PUM3: variants seen among roughly 807,000 people sequenced by gnomAD.
PUM3 encodes the protein pumilio RNA binding family member 3.
Under a neutral mutation model 84.0 loss-of-function variants are expected in PUM3, and 91 were observed. That is an observed-to-expected ratio of 1.08 (90% CI 0.91 to 1.29). The LOEUF is 1.29. Among genes scored for constraint, PUM3 ranks in the 50% most tolerant of loss-of-function variants. The pLI, the probability that PUM3 is intolerant of heterozygous loss-of-function variation, is 0.00. For missense variants in PUM3, 1,067 were observed against 767.5 expected, an observed-to-expected ratio of 1.39 and a Z score of -4.61; for synonymous variants, 321 against 266.7, an observed-to-expected ratio of 1.20 and a Z score of -1.98.
chr9:2,828,893 A>T (rs529475770), intron 8 of PUM3, 115 bp from the exon 9 acceptor site: 12 of 689,430 alleles, frequency 1.7e-5, no homozygotes, highest in African/African-American at 5.5e-5. Context: ...AAGATTTCCC[A>T]TATTTACATA....
In PUM3 at chr9:2,824,625, G is replaced by A. The variant is rs569275984; in HGVS notation, c.1134+92C>T. Reference sequence around the variant, plus strand: ...GCACAACAGGGCAAAGACCAAAGGGGGTTAAAAGTCTAAGGACAGCTAAGT... The same window carrying A: ...GCACAACAGGGCAAAGACCAAAGGGAGTTAAAAGTCTAAGGACAGCTAAGT... On this transcript the variant is annotated intron_variant, in intron 11 of 17. Transcript: ENST00000397885. 23 of 750,784 alleles carry A rather than the reference G, an allele frequency of 3.1e-5. No homozygotes were observed. In the South Asian group the frequency reaches 7.5e-4, roughly 24 times the overall value. 46.5% of individuals were successfully genotyped at this position (750,784 alleles called of 1,614,324 possible). A position where few individuals can be genotyped will look rare whatever the true frequency, so the allele number is the denominator to read the frequency against.
At chr9:2,830,619 T>A (rs1308240185) in intron 7 of PUM3, among the ~76,000 whole-genome samples, 1 of 152,218 alleles carries the variant, frequency 6.6e-6, no homozygotes, top group Non-Finnish European at 1.5e-5. Context: ...AATACCAGTC[T>A]ACTTCAAAAG....
At chr9:2,811,313 T>C (rs776314096) in intron 15 of PUM3, 48 bp downstream of exon 15, 13 of 1,581,248 alleles carry the variant, frequency 8.2e-6, no homozygotes, top group African/African-American at 1.3e-5. Context: ...AAAACGAAGT[T>C]TTTGTGGCCT....
At chr9:2,821,101 A>G (rs183673281) in intron 12 of PUM3, among the ~76,000 whole-genome samples, 7 of 152,308 alleles carry the variant, frequency 4.6e-5, no homozygotes, top group Non-Finnish European at 7.4e-5. Flanking sequence ...AAAAAGACAA[A>G]CTGAAGACAA....
At chr9:2,840,173 A>G (rs1758765326) in intron 1 of PUM3, among the ~76,000 whole-genome samples, 1 of 152,220 alleles carries the variant, frequency 6.6e-6, no homozygotes, top group African/African-American at 2.4e-5. Flanking sequence ...TGACATTAAC[A>G]TGACTTATTA....
intron 12 of PUM3, among the ~76,000 whole-genome samples, chr9:2,821,102 C>T (rs140532777): frequency 1.0e-3 from 153 of 152,202 alleles, no homozygotes; most frequent in Non-Finnish European, 1.6e-3. Flanking sequence ...AAAAGACAAA[C>T]TGAAGACAAA....
chr9:2,843,633 T>C (rs537329862), intron 1 of PUM3, among the ~76,000 whole-genome samples: 214 of 142,254 alleles, frequency 1.5e-3, no homozygotes, highest in South Asian at 3.9e-3. Flanking sequence ...GGCTGGAGTG[T>C]AGTGGCACGA....
chr9:2,825,501 G>A (rs886976909), intron 10 of PUM3, among the ~76,000 whole-genome samples: 1 of 149,826 alleles, frequency 6.7e-6, no homozygotes, highest in Non-Finnish European at 1.5e-5. Context: ...TTTTTTTTTG[G>A]AGACGGAGTC....
intron 16 of PUM3, 128 bp from the exon 17 acceptor site, chr9:2,808,032 A>C: frequency 3.2e-6 from 2 of 615,956 alleles, no homozygotes; most frequent in East Asian, 2.9e-5. Flanking sequence ...CTTTCACCCA[A>C]TCTCCCTTTT....
At chr9:2,827,714 G>T (rs1360540451) in intron 9 of PUM3, among the ~76,000 whole-genome samples, 1 of 152,204 alleles carries the variant, frequency 6.6e-6, no homozygotes, top group African/African-American at 2.4e-5. Context: ...AAGTTCACAG[G>T]TGATACCCAA....
At chr9:2,806,984 A>C (rs1045415179) in intron 17 of PUM3, among the ~76,000 whole-genome samples, 6 of 151,542 alleles carry the variant, frequency 4.0e-5, no homozygotes, top group East Asian at 2.0e-4. Context: ...CGAGGTGGGC[A>C]GATCACGAGG....
chr9:2,834,310 A>G, intron 3 of PUM3, 144 bp from the exon 4 acceptor site: 2 of 605,642 alleles, frequency 3.3e-6, no homozygotes, highest in East Asian at 5.9e-5. Flanking sequence ...TCCCCCATAT[A>G]TACTTCACTT....
chr9:2,827,714 G>C (rs1360540451), intron 9 of PUM3, among the ~76,000 whole-genome samples: 2 of 152,204 alleles, frequency 1.3e-5, no homozygotes, highest in African/African-American at 4.8e-5. Flanking sequence ...AAGTTCACAG[G>C]TGATACCCAA....
chr9:2,837,352 A>G lies in PUM3; in HGVS notation c.132T>C (p.Gly44=). 1 of 1,613,882 alleles carries G rather than the reference A, an allele frequency of 6.2e-7. No individual in the cohort carries two copies. Among genetic ancestry groups the G allele is most frequent in the Non-Finnish European group, 8.5e-7 (1 of 1,179,844 alleles). The change falls in exon 3 of 18, where the codon GGT becomes GGC. Residue 44 remains glycine (G), a synonymous_variant. Coordinates refer to ENST00000397885, the MANE Select transcript of PUM3 (RefSeq NM_014878.5). The stretch of plus-strand genomic sequence containing the variant: ...AGTTCCTAGATGTGACTTTAGGTCC[A>G]CCTTCTTTAGCAACTTTCCTTGTTG... ...TFPTRKVAKE[G]GPKVTSRNFE...
rs1024971695 is a variant in PUM3, at chr9:2,833,405, T to G, written c.468A>C (p.Val156=). The G allele has an allele frequency of 2.5e-6, 4 of 1,589,582 alleles. No individual in the cohort carries two copies. The highest frequency in any genetic ancestry group is 2.6e-6 in the Non-Finnish European group (3 of 1,160,312). ...ACTTCTGCAAATCACTCATTAACTT[T>G]ACTCTTTTTTCTTTGTCACAGTCTT... ...RRKDCDKEKR[V]KLMSDLQKLI... The change falls in exon 5 of 18, where the codon GTA becomes GTC. Residue 156 remains valine (V), a synonymous_variant. Coordinates refer to ENST00000397885, the MANE Select transcript of PUM3 (RefSeq NM_014878.5).
chr9:2,809,422 TA>T (rs1275442713), intron 16 of PUM3, among the ~76,000 whole-genome samples: 1 of 152,224 alleles, frequency 6.6e-6, no homozygotes, highest in East Asian at 1.9e-4. Flanking sequence ...TTCCATATGT[TA>T]TTTTTTTCTT....
chr9:2,835,013 C>CAA (rs56393910), intron 3 of PUM3, among the ~76,000 whole-genome samples: 1,943 of 119,884 alleles, frequency 0.016, 24 homozygotes, highest in Middle Eastern at 0.042. Flanking sequence ...GGGAAAAATG[C>CAA]AAAAAAAAAA....
At chr9:2,813,613 A>G (rs1450281048) in intron 13 of PUM3, among the ~76,000 whole-genome samples, 1 of 152,206 alleles carries the variant, frequency 6.6e-6, no homozygotes, top group Admixed American at 6.5e-5. Context: ...GAGATGATAT[A>G]TTCAGATCTG....
rs1475894334 is a variant in PUM3, at chr9:2,812,289, G to C, written c.1343C>G (p.Pro448Arg). Residue 448 changes from proline to arginine, a missense_variant, in exon 14 of 18, where the codon CCC (proline) becomes CGC (arginine). By Grantham distance (103) the Pro-to-Arg change is moderately radical. Coordinates refer to ENST00000397885, the MANE Select transcript of PUM3 (RefSeq NM_014878.5). ...GRKVLLYLLSPRDPAHTVREI... is the reference protein window; with the variant it reads ...GRKVLLYLLSRRDPAHTVREI... ...TCGTACTGTATGTGCAGGATCTCTGGGGCTTAGTAAGTACAATAGGACCTT... is the reference window on the plus strand; with the variant it reads ...TCGTACTGTATGTGCAGGATCTCTGCGGCTTAGTAAGTACAATAGGACCTT... 6.8e-6 allele frequency: 11 copies of C among 1,610,448 alleles called. No individual in the cohort carries two copies. The highest frequency in any genetic ancestry group is 2.2e-5 in the South Asian group (2 of 91,006).
Sources: gnomAD v4.1 joint callset for allele counts (sites outside exome capture counted in the v4.1 genomes callset) on GRCh38, gnomAD v4.1.1 for gene constraint, MANE v1.5 for transcripts, NCBI Gene and HGNC (gene_info 2026-07-23, HGNC 2026-07-21) for gene names.